MCF2L: variants seen among roughly 807,000 people sequenced by gnomAD.
The protein encoded by MCF2L is guanine nucleotide exchange factor DBS.
Under a neutral mutation model 153.4 loss-of-function variants are expected in MCF2L, and 97 were observed. The ratio of observed to expected loss-of-function variants is 0.63; its 90% CI spans 0.54 to 0.75. The LOEUF is 0.75. Ranked by LOEUF, MCF2L falls within the 30% of genes least tolerant of loss-of-function variation. The pLI is 0.00. For synonymous variants in MCF2L, 659 were observed against 632.2 expected, an observed-to-expected ratio of 1.04 and a Z score of -0.64; for missense variants, 1,347 against 1,495.2, an observed-to-expected ratio of 0.90 and a Z score of 1.64.
intron 2 of MCF2L, among the ~76,000 whole-genome samples, chr13:112,929,612 C>T (rs1030157491): frequency 7.2e-5 from 11 of 152,228 alleles, no homozygotes; most frequent in African/African-American, 2.4e-4. Context: ...CAGGCCCCTC[C>T]ACAGCAGGTG....
chr13:113,032,987 G>T (rs138103603), intron 3 of MCF2L, among the ~76,000 whole-genome samples: 4,196 of 148,326 alleles, frequency 0.028, 102 homozygotes, highest in South Asian at 0.06. Context: ...TGTGATGTGA[G>T]TGGCCCCCGT....
At chr13:113,039,852 A>C (rs949487913) in intron 3 of MCF2L, among the ~76,000 whole-genome samples, 2 of 152,220 alleles carry the variant, frequency 1.3e-5, no homozygotes, top group African/African-American at 2.4e-5. Context: ...GCAGGTGTAC[A>C]TTTGTCCACA....
intron 26 of MCF2L, chr13:113,090,051 T>G: frequency 2.5e-6 from 4 of 1,574,980 alleles, no homozygotes; most frequent in Non-Finnish European, 3.4e-6. Context: ...GCATAGTTTC[T>G]TTCTCTTCCT....
intron 1 of MCF2L, among the ~76,000 whole-genome samples, chr13:112,996,377 T>C: frequency 6.6e-6 from 1 of 152,176 alleles, no homozygotes; most frequent in African/African-American, 2.4e-5. Context: ...AATGGAAATG[T>C]TTCTGGTCCC....
At chr13:113,083,695 C>G (rs796645713) in intron 17 of MCF2L, among the ~76,000 whole-genome samples, 3 of 152,356 alleles carry the variant, frequency 2.0e-5, no homozygotes, top group African/African-American at 7.2e-5. Flanking sequence ...CCTGAAAGGT[C>G]CCATCTCTGT....
At chr13:113,057,379 C>T (rs1264043378) in intron 4 of MCF2L, among the ~76,000 whole-genome samples, 2 of 96,866 alleles carry the variant, frequency 2.1e-5, no homozygotes, top group African/African-American at 8.3e-5. Flanking sequence ...GCTGTTTGGG[C>T]ACTGAGTGTT....
At chr13:112,998,505 C>T (rs543661558) in intron 1 of MCF2L, among the ~76,000 whole-genome samples, 1 of 152,310 alleles carries the variant, frequency 6.6e-6, no homozygotes, top group Non-Finnish European at 1.5e-5. Flanking sequence ...GCTGACTGGG[C>T]TCCCAGGACG....
chr13:112,933,314 C>T (rs1032097145), intron 2 of MCF2L, among the ~76,000 whole-genome samples: 4 of 152,204 alleles, frequency 2.6e-5, no homozygotes, highest in Admixed American at 2.6e-4. Flanking sequence ...GTTGTTCCTC[C>T]CACCAGGAGC....
chr13:112,986,523 C>T (rs778014174), intron 1 of MCF2L, among the ~76,000 whole-genome samples: 6 of 152,252 alleles, frequency 3.9e-5, no homozygotes, highest in Non-Finnish European at 7.3e-5. Context: ...GAGGACCCAC[C>T]GCACAGGGGT....
chr13:113,058,255 G>A (rs144953070), intron 4 of MCF2L, among the ~76,000 whole-genome samples: 31 of 147,632 alleles, frequency 2.1e-4, no homozygotes, highest in Non-Finnish European at 3.3e-4. Context: ...GTGTGTGGGC[G>A]CTGAGTGGGC....
At chr13:113,060,489 G>A (rs902844604) in intron 4 of MCF2L, 104 bp from the exon 5 acceptor site, 49 of 1,414,832 alleles carry the variant, frequency 3.5e-5, no homozygotes, top group African/African-American at 5.7e-5. Context: ...ATGCCTGGCC[G>A]CTAGCTGCGC....
chr13:112,976,796 C>T (rs1465817015), intron 1 of MCF2L, among the ~76,000 whole-genome samples: 3 of 152,160 alleles, frequency 2.0e-5, no homozygotes, highest in South Asian at 2.1e-4. Context: ...CACACCAAAC[C>T]GGACACACAG....
chr13:113,081,803 C>T (rs1007489897), intron 16 of MCF2L, among the ~76,000 whole-genome samples: 1 of 151,962 alleles, frequency 6.6e-6, no homozygotes, highest in Non-Finnish European at 1.5e-5. Context: ...TGAGTGTAGA[C>T]GGGTGTCCGA....
chr13:112,942,785 T>A (rs942752165), intron 2 of MCF2L, among the ~76,000 whole-genome samples: 1 of 152,216 alleles, frequency 6.6e-6, no homozygotes, highest in Non-Finnish European at 1.5e-5. Context: ...CATCTCTTGA[T>A]GTGGTTCTGC....
chr13:112,962,917 A>T (rs35872678), intron 2 of MCF2L, among the ~76,000 whole-genome samples: 98,896 of 151,666 alleles, frequency 0.65, 32,516 homozygotes, highest in Non-Finnish European at 0.7. Context: ...AGAATCCCGT[A>T]GGTACCCACT....
At chr13:113,087,596 G>A (rs2034756768) in intron 22 of MCF2L, 111 bp from the exon 23 acceptor site, 1 of 1,148,170 alleles carries the variant, frequency 8.7e-7, no homozygotes, top group African/African-American at 1.5e-5. Context: ...GCCATTCTTA[G>A]CCCTCACCCC....
At position 112,943,653 on chromosome 13, in the gene MCF2L, C is replaced by T. The variant is rs2081601030; in HGVS notation, c.169+41282C>T. Among the ~76,000 whole-genome samples, 1 of 152,162 alleles carries T rather than the reference C, an allele frequency of 6.6e-6. No homozygotes were observed. Among genetic ancestry groups the T allele is most frequent in the Non-Finnish European group, 1.5e-5 (1 of 68,008 alleles). On this transcript the variant is annotated intron_variant, in intron 2 of 29. Transcript: ENST00000375608. This position sits in a 1 kb window ranked among gnomAD's most constrained non-coding sequence, Gnocchi z 4.2. ...GCGGGACCTGCCGGCCAGTCCCTTA[C>T]CCGGGGACAGACGGGGAAGGCGGGA...
rs900240859 is a variant in MCF2L, at chr13:112,941,679, C to T, written c.169+39308C>T. Among the ~76,000 whole-genome samples the T allele has an allele frequency of 2.0e-5, 3 of 152,078 alleles. No individual in the cohort carries two copies. Among genetic ancestry groups the T allele is most frequent in the Non-Finnish European group, 2.9e-5 (2 of 68,004 alleles). ...GTGCCGAGGCAAGAGACCAAGGGCA[C>T]GAGCTGTTCCAGTATAATAAAATAT... On this transcript the variant is annotated intron_variant, in intron 2 of 29. Transcript: ENST00000375608. The surrounding 1 kb of genome is among the most constrained non-coding windows in gnomAD (Gnocchi z 4.9).
chr13:113,055,372 C>G (rs1466033631), intron 4 of MCF2L, among the ~76,000 whole-genome samples: 3 of 58,754 alleles, frequency 5.1e-5, no homozygotes, highest in South Asian at 2.1e-3. Context: ...GACGTGGACC[C>G]CCCCCCCCGC....
Sources: gnomAD v4.1 joint callset for allele counts (sites outside exome capture counted in the v4.1 genomes callset) on GRCh38, gnomAD v4.1.1 for gene constraint, Gnocchi (gnomAD v3.1) non-coding constraint, MANE v1.5 for transcripts, NCBI Gene and HGNC (gene_info 2026-07-23, HGNC 2026-07-21) for gene names.